MS4A4E: variants seen among roughly 807,000 people sequenced by gnomAD.
The protein encoded by MS4A4E is putative membrane-spanning 4-domains subfamily A member 4E.
MS4A4E carries 23 observed loss-of-function variants against 13.3 expected under a neutral mutation model. That is an observed-to-expected ratio of 1.73 (90% confidence interval 1.25 to 2.45). MS4A4E has a LOEUF of 2.45. Ranked by LOEUF, MS4A4E falls within the 30% of genes most tolerant of loss-of-function variation. The pLI is 0.00. For synonymous variants in MS4A4E, 36 were observed against 45.6 expected, an observed-to-expected ratio of 0.79 and a Z score of 0.85; for missense variants, 144 against 131.2, an observed-to-expected ratio of 1.10 and a Z score of -0.48.
intron 3 of MS4A4E, among the ~76,000 whole-genome samples, chr11:60,217,742 C>T (rs2084214585): frequency 6.6e-6 from 1 of 152,168 alleles, no homozygotes; most frequent in African/African-American, 2.4e-5. Context: ...TCAATCAATA[C>T]CCTTGTGATT....
chr11:60,223,721 C>T (rs1338214115), intron 3 of MS4A4E, among the ~76,000 whole-genome samples: 1 of 152,132 alleles, frequency 6.6e-6, no homozygotes, highest in African/African-American at 2.4e-5. Flanking sequence ...CTGGTTTAGT[C>T]TCTGGCCTAC....
chr11:60,236,052 C>A (rs2084478586), intron 1 of MS4A4E, among the ~76,000 whole-genome samples: 2 of 152,148 alleles, frequency 1.3e-5, no homozygotes, highest in South Asian at 2.1e-4. Flanking sequence ...GTTGTGTTAT[C>A]CTTGTCAAAA....
chr11:60,236,716 ATTATTT>A (rs1590730736), intron 1 of MS4A4E, among the ~76,000 whole-genome samples: 1 of 151,098 alleles, frequency 6.6e-6, no homozygotes, highest in African/African-American at 2.4e-5. Context: ...TGATTTACAG[ATTATTT>A]TATCATCCAG....
At chr11:60,217,674 C>A (rs2084213835) in intron 3 of MS4A4E, among the ~76,000 whole-genome samples, 10 of 152,134 alleles carry the variant, frequency 6.6e-5, no homozygotes, top group Admixed American at 6.6e-4. Context: ...CTTATGCCTG[C>A]CTTTACTGCA....
rs1166409934 is a variant in MS4A4E at position 60,208,968 on chromosome 11, A to G, written c.382-274T>C. ...GATGAAAGTGCTTTAAAATGTTAGG[A>G]AGGTAGTATAAAGATAATTGTCATC... On this transcript the variant is annotated intron_variant, in intron 5 of 8. Coordinates refer to ENST00000651255, the MANE Select transcript of MS4A4E (RefSeq NM_001393391.1). The G allele has an allele frequency of 4.3e-4, 80 of 186,820 alleles. 1 individual carries two copies. In the Admixed American group the frequency reaches 4.7e-3, roughly 11 times the overall value. 11.6% of individuals were successfully genotyped at this position (186,820 alleles called of 1,614,324 possible). A position where few individuals can be genotyped will look rare whatever the true frequency, so the allele number is the denominator to read the frequency against.
chr11:60,217,016 G>A (rs1292213352), intron 3 of MS4A4E, among the ~76,000 whole-genome samples: 1 of 152,114 alleles, frequency 6.6e-6, no homozygotes, highest in African/African-American at 2.4e-5. Context: ...TTGGTACCAG[G>A]AGATGATCTA....
intron 6 of MS4A4E, among the ~76,000 whole-genome samples, chr11:60,206,481 A>ACATATG (rs2084044955): frequency 2.3e-4 from 1 of 4,412 alleles, no homozygotes; most frequent in Non-Finnish European, 5.7e-4. Context: ...ACACATATAT[A>ACATATG]TATATATGTA....
intron 3 of MS4A4E, among the ~76,000 whole-genome samples, chr11:60,217,278 A>C (rs996692465): frequency 2.6e-5 from 4 of 152,206 alleles, no homozygotes; most frequent in African/African-American, 9.6e-5. Context: ...AGGTGCATGC[A>C]TAGACTCACC....
intron 5 of MS4A4E, among the ~76,000 whole-genome samples, chr11:60,211,920 G>A (rs900519457): frequency 1.3e-5 from 2 of 152,090 alleles, no homozygotes; most frequent in African/African-American, 4.8e-5. Flanking sequence ...GGCAACAAGA[G>A]TGAAACTCCA....
At chr11:60,237,119 C>A (rs1393703781) in intron 1 of MS4A4E, among the ~76,000 whole-genome samples, 1 of 152,168 alleles carries the variant, frequency 6.6e-6, no homozygotes, top group Non-Finnish European at 1.5e-5. Flanking sequence ...CTCTAATAAG[C>A]CCCAGTGTGT....
chr11:60,220,991 T>A (rs1238627880), intron 3 of MS4A4E, among the ~76,000 whole-genome samples: 3 of 152,120 alleles, frequency 2.0e-5, no homozygotes, highest in Non-Finnish European at 4.4e-5. Flanking sequence ...ACAGAGCAGA[T>A]CTAATTGTGC....
chr11:60,238,430 A>AT (rs1446058816), intron 1 of MS4A4E, among the ~76,000 whole-genome samples: 3 of 151,910 alleles, frequency 2.0e-5, no homozygotes, highest in African/African-American at 7.2e-5. Context: ...AAATTTGACC[A>AT]TTTCATATGT....
At position 60,200,842 on chromosome 11, in the gene MS4A4E, GCTC is replaced by G. The variant is rs2083976215; in HGVS notation, c.*698_*700del. On this transcript the variant is annotated 3_prime_UTR_variant, in exon 9 of 9. Coordinates refer to ENST00000651255, the MANE Select transcript of MS4A4E (RefSeq NM_001393391.1). ...GATGGGGTGGTGGCCGGGCAGAGGG[GCTC>G]CTCACTTCCCAGTAGGGGCGGCTGG... Among the ~76,000 whole-genome samples the G allele has an allele frequency of 6.6e-6, 1 of 151,130 alleles. No homozygotes were observed. Among genetic ancestry groups the G allele is most frequent in the Non-Finnish European group, 1.5e-5 (1 of 67,912 alleles).
At chr11:60,212,367 T>A (rs899351538) in intron 5 of MS4A4E, among the ~76,000 whole-genome samples, 16 of 151,076 alleles carry the variant, frequency 1.1e-4, no homozygotes, top group Admixed American at 9.9e-4. Context: ...CAGACTGCAG[T>A]GGCACTATCT....
At chr11:60,230,595 T>G (rs960467267) in intron 1 of MS4A4E, among the ~76,000 whole-genome samples, 2 of 152,234 alleles carry the variant, frequency 1.3e-5, no homozygotes, top group Non-Finnish European at 2.9e-5. Flanking sequence ...ACTCTGGGAA[T>G]GAAACTTACA....
chr11:60,215,054 A>C (rs547658148), intron 3 of MS4A4E, among the ~76,000 whole-genome samples: 2 of 152,172 alleles, frequency 1.3e-5, no homozygotes, highest in Admixed American at 6.5e-5. Flanking sequence ...TAACTAGAAT[A>C]TACTACTTCA....
intron 3 of MS4A4E, among the ~76,000 whole-genome samples, chr11:60,224,638 A>T (rs2084317873): frequency 6.6e-6 from 1 of 152,204 alleles, no homozygotes; most frequent in Admixed American, 6.5e-5. Flanking sequence ...TTACACCACC[A>T]AATTAAACAA....
At chr11:60,236,728 T>A (rs889717059) in intron 1 of MS4A4E, among the ~76,000 whole-genome samples, 2 of 151,808 alleles carry the variant, frequency 1.3e-5, no homozygotes, top group African/African-American at 4.8e-5. Context: ...TATTTTATCA[T>A]CCAGGTTTTT....
intron 1 of MS4A4E, among the ~76,000 whole-genome samples, chr11:60,233,265 A>G (rs1184452474): frequency 2.0e-5 from 3 of 152,068 alleles, no homozygotes; most frequent in African/African-American, 7.2e-5. Context: ...TCCATTCCCC[A>G]GGGTTGGAAT....
Sources: allele counts gnomAD v4.1 joint callset (sites outside exome capture counted in the v4.1 genomes callset), GRCh38; gene constraint gnomAD v4.1.1; transcripts MANE v1.5; gene names NCBI Gene and HGNC (gene_info 2026-07-23, HGNC 2026-07-21).